Variants in WWP2 observed in about 807,000 individuals in gnomAD.
The protein encoded by WWP2 is NEDD4-like E3 ubiquitin-protein ligase WWP2.
WWP2 carries 57 observed loss-of-function variants against 121.0 expected under a neutral mutation model. The ratio of observed to expected loss-of-function variants is 0.47; its 90% CI spans 0.38 to 0.59. The LOEUF (loss-of-function observed/expected upper bound fraction) is 0.59, where lower values mean the gene tolerates loss of function less well. Ranked by LOEUF, WWP2 falls within the 20% of genes least tolerant of loss-of-function variation. The probability of loss-of-function intolerance (pLI) is 0.00; values close to 1 mark genes in which losing one functional copy is unlikely to be tolerated. For synonymous variants in WWP2, 449 were observed against 441.3 expected, an observed-to-expected ratio of 1.02 and a Z score of -0.22; for missense variants, 962 against 1,158.9, an observed-to-expected ratio of 0.83 and a Z score of 2.47.
chr16:69,795,493 A>G (rs1210088516), intron 2 of WWP2, among the ~76,000 whole-genome samples: 1 of 152,112 alleles, frequency 6.6e-6, no homozygotes, highest in African/African-American at 2.4e-5. Context: ...CAGATGTGGA[A>G]CATTTTCGTC....
At chr16:69,795,217 A>G (rs927460708) in intron 2 of WWP2, among the ~76,000 whole-genome samples, 2 of 151,780 alleles carry the variant, frequency 1.3e-5, no homozygotes, top group African/African-American at 4.8e-5. Context: ...GCCGGTCTAC[A>G]ACTTACTTTT....
At chr16:69,846,345 G>T (rs1451454630) in intron 6 of WWP2, among the ~76,000 whole-genome samples, 1 of 152,104 alleles carries the variant, frequency 6.6e-6, no homozygotes, top group Non-Finnish European at 1.5e-5. Context: ...ACCATAGTAG[G>T]ATGTCATACG....
chr16:69,868,215 G>A (rs1193517612), intron 6 of WWP2, among the ~76,000 whole-genome samples: 2 of 152,340 alleles, frequency 1.3e-5, no homozygotes, highest in Admixed American at 6.5e-5. Context: ...CGGGCAGGGA[G>A]GTGGCAGTTC....
In WWP2 at chr16:69,820,541, GC is replaced by G. The variant is rs1184616220; in HGVS notation, c.341-19580del. ...TTACAGGCGTGAGCCACCGCTCTTG[GC>G]CCCCTGTCTCTTAAAAAAAAAAAAA... On this transcript the variant is annotated intron_variant, in intron 4 of 23. Coordinates refer to ENST00000359154, the MANE Select transcript of WWP2 (RefSeq NM_001270454.2). 2.3e-5 allele frequency among the ~76,000 whole-genome samples: 3 copies of G among 127,930 alleles called. 1 individual carries two copies. Among genetic ancestry groups the G allele is most frequent in the African/African-American group, 7.7e-5 (3 of 38,988 alleles). 83.9% of individuals were successfully genotyped at this position (127,930 alleles called of 152,430 possible). A position where few individuals can be genotyped will look rare whatever the true frequency, so the allele number is the denominator to read the frequency against.
At chr16:69,795,500 C>T (rs879329331) in intron 2 of WWP2, among the ~76,000 whole-genome samples, 5 of 151,924 alleles carry the variant, frequency 3.3e-5, no homozygotes, top group East Asian at 1.9e-4. Context: ...GGAACATTTT[C>T]GTCATCATGG....
At chr16:69,819,223 C>A (rs2056550280) in intron 4 of WWP2, among the ~76,000 whole-genome samples, 1 of 152,220 alleles carries the variant, frequency 6.6e-6, no homozygotes, top group South Asian at 2.1e-4. Context: ...CCTGCATCTG[C>A]TGTTGTCTTC....
chr16:69,845,299 C>A (rs181810692), intron 6 of WWP2, among the ~76,000 whole-genome samples: 2 of 152,066 alleles, frequency 1.3e-5, no homozygotes, highest in East Asian at 1.9e-4. Context: ...TGCCTACCCC[C>A]CTTCCCTGCT....
At chr16:69,866,951 C>T (rs2057536675) in intron 6 of WWP2, among the ~76,000 whole-genome samples, 1 of 152,010 alleles carries the variant, frequency 6.6e-6, no homozygotes, top group South Asian at 2.1e-4. Flanking sequence ...GATTCTTCTG[C>T]CTCAGGCTCC....
At chr16:69,909,084 G>A (rs1039439070) in intron 9 of WWP2, 64 of 1,306,050 alleles carry the variant, frequency 4.9e-5, no homozygotes, top group Non-Finnish European at 5.6e-5. Flanking sequence ...CCAAGATTTA[G>A]AGTGTTGATG....
At chr16:69,879,974 T>G (rs932789730) in intron 7 of WWP2, among the ~76,000 whole-genome samples, 2 of 151,884 alleles carry the variant, frequency 1.3e-5, no homozygotes, top group Non-Finnish European at 2.9e-5. Flanking sequence ...GTAAAAGTTC[T>G]TATCTATAAA....
chr16:69,802,604 G>GT (rs56105450), intron 4 of WWP2, among the ~76,000 whole-genome samples: 22 of 131,988 alleles, frequency 1.7e-4, no homozygotes, highest in African/African-American at 1.7e-4. Context: ...CTTTCCTTTT[G>GT]TTTTTTTTTT....
At chr16:69,813,425 G>T (rs2056432772) in intron 4 of WWP2, among the ~76,000 whole-genome samples, 1 of 152,092 alleles carries the variant, frequency 6.6e-6, no homozygotes, top group Non-Finnish European at 1.5e-5. Context: ...GCCTCCCAAA[G>T]TGCTGGGATT....
intron 1 of WWP2, among the ~76,000 whole-genome samples, chr16:69,778,171 TAA>T (rs1428453916): frequency 0.032 from 3,533 of 111,350 alleles, 68 homozygotes; most frequent in South Asian, 0.09. Flanking sequence ...ATACTATAAA[TAA>T]ATATATATAT....
chr16:69,898,486 A>C (rs2058145001), intron 8 of WWP2, among the ~76,000 whole-genome samples: 1 of 152,176 alleles, frequency 6.6e-6, no homozygotes, highest in South Asian at 2.1e-4. Context: ...TAGTGTTGTC[A>C]GGTTCGTTTC....
chr16:69,931,341 C>A, intron 14 of WWP2, 114 bp downstream of exon 14: 1 of 1,493,470 alleles, frequency 6.7e-7, no homozygotes, highest in Non-Finnish European at 9.3e-7. Context: ...GGGCGCAAGA[C>A]ACTTGTCTAA....
chr16:69,787,582 C>G (rs1322400372), intron 2 of WWP2, among the ~76,000 whole-genome samples: 1 of 152,140 alleles, frequency 6.6e-6, no homozygotes, highest in Non-Finnish European at 1.5e-5. Context: ...GGGTGAGACC[C>G]TGTCCCAAAA....
At chr16:69,866,800 G>T (rs899960336) in intron 6 of WWP2, among the ~76,000 whole-genome samples, 25 of 139,670 alleles carry the variant, frequency 1.8e-4, no homozygotes, top group African/African-American at 5.0e-4. Flanking sequence ...TTTCAGTTCC[G>T]TATTTATTTA....
chr16:69,893,582 T>C (rs1398938757), intron 8 of WWP2, among the ~76,000 whole-genome samples: 1 of 152,130 alleles, frequency 6.6e-6, no homozygotes. Context: ...TTTGTTTTTG[T>C]TTTTGTTTTT....
chr16:69,860,592 T>C (rs1041423345), intron 6 of WWP2, among the ~76,000 whole-genome samples: 16 of 152,368 alleles, frequency 1.1e-4, no homozygotes, highest in African/African-American at 3.6e-4. Context: ...GCAAAGGGTC[T>C]GACTCTCCCT....
Sources: gnomAD v4.1 joint callset for allele counts (sites outside exome capture counted in the v4.1 genomes callset) on GRCh38, gnomAD v4.1.1 for gene constraint, MANE v1.5 for transcripts, NCBI Gene and HGNC (gene_info 2026-07-23, HGNC 2026-07-21) for gene names.